Variants in APBB2 observed in about 807,000 individuals in gnomAD.
APBB2 encodes Fe65-like 1.
A neutral mutation model predicts 82.5 loss-of-function variants in APBB2; 38 were observed. The observed-to-expected ratio is 0.46, with a 90% CI of 0.36 to 0.60. The LOEUF is 0.60. Ranked by LOEUF, APBB2 falls within the 20% of genes least tolerant of loss-of-function variation. APBB2 has a pLI of 0.00. For missense variants in APBB2, 772 were observed against 972.3 expected (o/e 0.79, Z 2.74); for synonymous variants, 341 against 368.2 (o/e 0.93, Z 0.85).
intron 6 of APBB2, among the ~76,000 whole-genome samples, chr4:40,953,967 G>A (rs889456242): frequency 2.0e-5 from 3 of 152,218 alleles, no homozygotes; most frequent in African/African-American, 7.2e-5. Context: ...TGTGCTGGGA[G>A]CCTCTTGGGC....
At chr4:40,920,218 G>A (rs1251217017) in intron 10 of APBB2, among the ~76,000 whole-genome samples, 1 of 152,120 alleles carries the variant, frequency 6.6e-6, no homozygotes, top group South Asian at 2.1e-4. Context: ...AGATCTGATG[G>A]TTTTATAAAG....
intron 1 of APBB2, among the ~76,000 whole-genome samples, chr4:41,144,075 A>G (rs770148370): frequency 3.9e-5 from 6 of 152,394 alleles, no homozygotes; most frequent in Non-Finnish European, 5.9e-5. Context: ...TAATAGATTA[A>G]GAAGTCTTCA....
rs540123564 is a variant in APBB2, at chr4:40,981,221, G to A, written c.835+32362C>T. Among the ~76,000 whole-genome samples the A allele has an allele frequency of 2.0e-4, 31 of 152,108 alleles. No individual in the cohort carries two copies. In the South Asian group the frequency reaches 4.6e-3, roughly 22 times the overall value. On this transcript the variant is annotated intron_variant, in intron 6 of 17. Transcript: ENST00000508593. ...AGATTGAGACCATCCTGGCCAACAT[G>A]GTAAAACCCCATCTCCACTAAAAAT...
At chr4:40,916,813 C>A (rs910713312) in intron 10 of APBB2, among the ~76,000 whole-genome samples, 5 of 152,138 alleles carry the variant, frequency 3.3e-5, no homozygotes, top group African/African-American at 9.7e-5. Flanking sequence ...GAGAAGCAAC[C>A]GCAGGTGAGA....
chr4:41,205,001 A>T (rs1445880955), intron 1 of APBB2, among the ~76,000 whole-genome samples: 3 of 152,338 alleles, frequency 2.0e-5, no homozygotes, highest in African/African-American at 7.2e-5. Context: ...TCATGGTTTG[A>T]GCCCTTTTAC....
At chr4:41,011,147 T>C (rs1272795927) in intron 6 of APBB2, among the ~76,000 whole-genome samples, 1 of 150,102 alleles carries the variant, frequency 6.7e-6, no homozygotes, top group Non-Finnish European at 1.5e-5. Context: ...TGATTATTAT[T>C]GTTTTTTTTT....
At chr4:40,960,961 TAA>T (rs35061671) in intron 6 of APBB2, among the ~76,000 whole-genome samples, 34 of 141,342 alleles carry the variant, frequency 2.4e-4, no homozygotes, top group Non-Finnish European at 2.8e-4. Flanking sequence ...AGCCCTCCTT[TAA>T]AAAAAAAAAA....
chr4:41,147,122 G>A (rs1042358820), intron 1 of APBB2, among the ~76,000 whole-genome samples: 1 of 152,292 alleles, frequency 6.6e-6, no homozygotes, highest in East Asian at 1.9e-4. Context: ...CAGGCAAACG[G>A]AATCAGGGTC....
In APBB2 at chr4:41,059,554, CG is replaced by C. The variant is rs1221495864; in HGVS notation, c.-51+6021del. Among the ~76,000 whole-genome samples the C allele has an allele frequency of 3.9e-5, 6 of 152,178 alleles. No individual in the cohort carries two copies. In the East Asian group the frequency reaches 7.7e-4, roughly 20 times the overall value. The stretch of plus-strand genomic sequence containing the variant: ...CAAGGAACACCTGGCCCGCCCAGGG[CG>C]GAAAACCGCTTAAAGGCGTTCTTAA... On this transcript the variant is annotated intron_variant, in intron 4 of 17. Transcript: ENST00000508593.
intron 3 of APBB2, among the ~76,000 whole-genome samples, chr4:41,090,735 T>C (rs1002428892): frequency 1.3e-5 from 2 of 152,184 alleles, no homozygotes; most frequent in African/African-American, 2.4e-5. Flanking sequence ...CAGGCATAGC[T>C]AGGATTGTCC....
At chr4:41,200,314 G>A (rs893177233) in intron 1 of APBB2, among the ~76,000 whole-genome samples, 1 of 151,988 alleles carries the variant, frequency 6.6e-6, no homozygotes, top group African/African-American at 2.4e-5. Flanking sequence ...AAATAGAAGA[G>A]GAAGTACTAA....
rs569856300 is a variant in APBB2, at chr4:40,874,514, A to G, written c.1529+15850T>C. Reference sequence around the variant, plus strand: ...CAGAGAAGGCACAGGAGGCGGGGGCAGGGCGGGGGGTGGAGATAAGTAAAT... The same window carrying G: ...CAGAGAAGGCACAGGAGGCGGGGGCGGGGCGGGGGGTGGAGATAAGTAAAT... On this transcript the variant is annotated intron_variant, in intron 12 of 17. Coordinates refer to ENST00000508593, the MANE Select transcript of APBB2 (RefSeq NM_004307.2). Among the ~76,000 whole-genome samples, 135 of 149,946 alleles carry G rather than the reference A, an allele frequency of 9.0e-4. 1 individual carries two copies. In the South Asian group the frequency reaches 0.018, roughly 20 times the overall value.
intron 5 of APBB2, among the ~76,000 whole-genome samples, chr4:41,019,714 C>T (rs1478315441): frequency 2.0e-5 from 3 of 152,014 alleles, no homozygotes; most frequent in African/African-American, 7.2e-5. Flanking sequence ...AGGAAAAGGC[C>T]AGAGGTCAGA....
At chr4:41,057,987 C>T (rs935053184) in intron 4 of APBB2, among the ~76,000 whole-genome samples, 9 of 152,306 alleles carry the variant, frequency 5.9e-5, no homozygotes, top group African/African-American at 1.7e-4. Flanking sequence ...CTACCCCCAG[C>T]ATCCTAATCC....
At chr4:40,929,733 A>G (rs1399019384) in intron 10 of APBB2, among the ~76,000 whole-genome samples, 3 of 152,252 alleles carry the variant, frequency 2.0e-5, no homozygotes, top group Non-Finnish European at 4.4e-5. Flanking sequence ...TACTGATGGG[A>G]TTATATGCTG....
chr4:41,144,764 C>G (rs192355868), intron 1 of APBB2, among the ~76,000 whole-genome samples: 1 of 152,212 alleles, frequency 6.6e-6, no homozygotes, highest in Non-Finnish European at 1.5e-5. Context: ...AGTTGTTTCC[C>G]TCCCTCACCT....
chr4:40,908,993 C>T (rs1303108896), intron 10 of APBB2, among the ~76,000 whole-genome samples: 2 of 152,206 alleles, frequency 1.3e-5, no homozygotes, highest in Non-Finnish European at 2.9e-5. Flanking sequence ...CACAGCACTG[C>T]TCTCCACACT....
chr4:40,961,066 C>G (rs943678391), intron 6 of APBB2, among the ~76,000 whole-genome samples: 2 of 151,964 alleles, frequency 1.3e-5, no homozygotes, highest in South Asian at 2.1e-4. Context: ...AGCAGGAAGG[C>G]AGAAGAAATT....
intron 4 of APBB2, among the ~76,000 whole-genome samples, chr4:41,051,555 G>C (rs1008478080): frequency 6.6e-6 from 1 of 152,148 alleles, no homozygotes; most frequent in African/African-American, 2.4e-5. Context: ...TCCCTTCCTT[G>C]CCCCATGACC....
Sources: gnomAD v4.1 joint callset for allele counts (sites outside exome capture counted in the v4.1 genomes callset) on GRCh38, gnomAD v4.1.1 for gene constraint, MANE v1.5 for transcripts, NCBI Gene and HGNC (gene_info 2026-07-23, HGNC 2026-07-21) for gene names.